Variants in RFPL1 observed in about 807,000 individuals in gnomAD.
RFPL1 encodes the protein ret finger protein like 1, also known as ret finger protein-like 1.
Under a neutral mutation model 9.6 loss-of-function variants are expected in RFPL1, and 6 were observed. The ratio of observed to expected loss-of-function variants is 0.62; its 90% confidence interval spans 0.34 to 1.23. The LOEUF (loss-of-function observed/expected upper bound fraction) is 1.23, where lower values mean the gene tolerates loss of function less well. RFPL1 is among the 50% of genes most tolerant of loss of function. The probability of loss-of-function intolerance (pLI) is 0.03; values close to 1 mark genes in which losing one functional copy is unlikely to be tolerated. For missense variants in RFPL1, 352 were observed against 398.4 expected (o/e 0.88, Z 0.99); for synonymous variants, 145 against 149.4 (o/e 0.97, Z 0.22).
the RFPL1 span, among the ~76,000 whole-genome samples, chr22:29,428,662 G>A: frequency 6.6e-6 from 1 of 152,038 alleles, no homozygotes; most frequent in Non-Finnish European, 1.5e-5. Context: ...AGACCACAAT[G>A]AAATATAACA....
chr22:29,404,162 G>A, the RFPL1 span, among the ~76,000 whole-genome samples: 4,237 of 151,280 alleles, frequency 0.028, 4 homozygotes, highest in Non-Finnish European at 0.042. Context: ...GAGAACATGC[G>A]GTAACATACA....
chr22:29,406,602 C>T, the RFPL1 span, among the ~76,000 whole-genome samples: 2 of 152,226 alleles, frequency 1.3e-5, no homozygotes, highest in African/African-American at 2.4e-5. Context: ...TTAAGTGCAA[C>T]AAACCTTGCA....
chr22:29,419,287 A>G, the RFPL1 span: 1 of 1,034,314 alleles, frequency 9.7e-7, no homozygotes, highest in African/African-American at 1.6e-5. Context: ...AGCATGAGTG[A>G]TCCCTCCCTA....
At chr22:29,441,607 G>A (rs750004982) in exon 2 of RFPL1, 14 of 1,613,876 alleles carry the variant, frequency 8.7e-6, no homozygotes, top group African/African-American at 4.0e-5. Flanking sequence ...CCTCAGGAGC[G>A]TCCGAAGTGG....
chr22:29,392,061 G>A, the RFPL1 span, among the ~76,000 whole-genome samples: 1 of 152,182 alleles, frequency 6.6e-6, no homozygotes, highest in Admixed American at 6.5e-5. Context: ...TGGACAAGTA[G>A]AAGGTTTTTG....
the RFPL1 span, among the ~76,000 whole-genome samples, chr22:29,406,354 C>A: frequency 6.6e-6 from 1 of 151,796 alleles, no homozygotes; most frequent in Non-Finnish European, 1.5e-5. Flanking sequence ...TCTTCTTAAG[C>A]CTTTATCTGT....
At chr22:29,394,851 G>A in the RFPL1 span, among the ~76,000 whole-genome samples, 2 of 152,198 alleles carry the variant, frequency 1.3e-5, no homozygotes, top group Non-Finnish European at 2.9e-5. Flanking sequence ...GCAGCAATGG[G>A]CCTAGCGGAG....
At chr22:29,416,842 G>A in the RFPL1 span, among the ~76,000 whole-genome samples, 5,535 of 152,186 alleles carry the variant, frequency 0.036, 287 homozygotes, top group African/African-American at 0.12. Context: ...GCCTGGAGGA[G>A]CCAGGTCTGA....
At chr22:29,388,726 TC>T in the RFPL1 span, 1 of 152,302 alleles carries the variant, frequency 6.6e-6, no homozygotes, top group African/African-American at 2.4e-5. Flanking sequence ...TGCTGCAGTC[TC>T]CCGCAGAGCC....
chr22:29,435,593 G>A (rs1366422176), upstream of RFPL1, among the ~76,000 whole-genome samples: 2 of 151,796 alleles, frequency 1.3e-5, no homozygotes, highest in Non-Finnish European at 2.9e-5. Context: ...AGTTAACTTG[G>A]CTCCCTACAC....
At chr22:29,419,229 G>A in the RFPL1 span, 2 of 1,545,468 alleles carry the variant, frequency 1.3e-6, no homozygotes, top group Admixed American at 1.7e-5. Flanking sequence ...TCTTGTCACT[G>A]TTGAGCTCTG....
the RFPL1 span, among the ~76,000 whole-genome samples, chr22:29,402,159 T>C: frequency 6.6e-6 from 1 of 152,360 alleles, no homozygotes. Flanking sequence ...GATTAAATCC[T>C]AGCCCCATCT....
chr22:29,431,458 C>T, the RFPL1 span, among the ~76,000 whole-genome samples: 1 of 152,118 alleles, frequency 6.6e-6, no homozygotes, highest in Non-Finnish European at 1.5e-5. Context: ...CTCTCTTTGA[C>T]CTATTCAACC....
the RFPL1 span, among the ~76,000 whole-genome samples, chr22:29,411,807 A>C: frequency 6.6e-6 from 1 of 152,252 alleles, no homozygotes; most frequent in Admixed American, 6.5e-5. Context: ...AAGTTGTTTG[A>C]AATGATGGTA....
the RFPL1 span, among the ~76,000 whole-genome samples, chr22:29,424,259 G>A: frequency 6.6e-6 from 1 of 152,074 alleles, no homozygotes; most frequent in African/African-American, 2.4e-5. Context: ...AGCATCTACT[G>A]TGTACCTCAA....
upstream of RFPL1, among the ~76,000 whole-genome samples, chr22:29,433,753 T>C (rs1319298387): frequency 2.6e-5 from 4 of 152,144 alleles, no homozygotes; most frequent in Non-Finnish European, 5.9e-5. Context: ...ATTTAAGTCA[T>C]ACCCTAGACC....
exon 2 of RFPL1, chr22:29,441,551 C>G (rs571279619): frequency 6.2e-7 from 1 of 1,610,962 alleles, no homozygotes; most frequent in East Asian, 2.2e-5. Flanking sequence ...GTGGATATGA[C>G]CTTGGATGCC....
chr22:29,402,294 G>C, the RFPL1 span, among the ~76,000 whole-genome samples: 8 of 152,198 alleles, frequency 5.3e-5, no homozygotes, highest in Non-Finnish European at 1.2e-4. Context: ...ACACTGTCAG[G>C]CTTGCCAGAT....
chr22:29,427,294 G>A, the RFPL1 span, among the ~76,000 whole-genome samples: 1 of 152,098 alleles, frequency 6.6e-6, no homozygotes, highest in Non-Finnish European at 1.5e-5. Context: ...CTGACCTCAG[G>A]CTGTAGGGGC....
Sources: allele counts gnomAD v4.1 joint callset (sites outside exome capture counted in the v4.1 genomes callset), GRCh38; gene constraint gnomAD v4.1.1; transcripts MANE v1.5; gene names NCBI Gene and HGNC (gene_info 2026-07-23, HGNC 2026-07-21).